SEMA4D: variants seen among roughly 807,000 people sequenced by gnomAD.
SEMA4D encodes semaphorin 4D.
SEMA4D carries 22 observed loss-of-function variants against 74.8 expected under a neutral mutation model. The ratio of observed to expected loss-of-function variants is 0.29; its 90% CI spans 0.21 to 0.42. SEMA4D has a LOEUF of 0.42. SEMA4D is among the 10% of genes least tolerant of loss of function. SEMA4D has a pLI of 1.00. For missense variants in SEMA4D, 937 were observed against 1,118.4 expected (o/e 0.84, Z 2.31); for synonymous variants, 445 against 463.7 (o/e 0.96, Z 0.52).
intron 2 of SEMA4D, among the ~76,000 whole-genome samples, chr9:89,411,772 T>C (rs1844572520): frequency 6.6e-6 from 1 of 152,226 alleles, no homozygotes; most frequent in African/African-American, 2.4e-5. Context: ...AAGAGTGAGC[T>C]GACTCTGTGC....
At chr9:89,398,433 C>T (rs1841473067) in intron 5 of SEMA4D, among the ~76,000 whole-genome samples, 1 of 152,170 alleles carries the variant, frequency 6.6e-6, no homozygotes, top group Non-Finnish European at 1.5e-5. Flanking sequence ...GAGCCACTTC[C>T]AACACTAAAC....
chr9:89,448,080 C>T (rs758680590), intron 2 of SEMA4D, among the ~76,000 whole-genome samples: 6 of 152,144 alleles, frequency 3.9e-5, no homozygotes, highest in Non-Finnish European at 5.9e-5. Flanking sequence ...CCTTAAGTCA[C>T]ACTCCCACCT....
At chr9:89,406,631 G>A (rs944823020) in intron 2 of SEMA4D, among the ~76,000 whole-genome samples, 23 of 152,230 alleles carry the variant, frequency 1.5e-4, no homozygotes, top group African/African-American at 5.1e-4. Context: ...CACTCTATGA[G>A]AATGTCCTGA....
chr9:89,432,526 T>G (rs988085929), intron 2 of SEMA4D, among the ~76,000 whole-genome samples: 3 of 152,218 alleles, frequency 2.0e-5, no homozygotes, highest in Non-Finnish European at 4.4e-5. Context: ...TGTCTCTATC[T>G]CTGGTCACCA....
At chr9:89,472,114 CA>C in intron 1 of SEMA4D, 1 of 174,636 alleles carries the variant, frequency 5.7e-6, no homozygotes, top group East Asian at 1.8e-4. Flanking sequence ...GGTCCTGGGT[CA>C]ATTTGCACAA....
chr9:89,378,837 T>G lies in SEMA4D; in HGVS notation c.2456A>C (p.Gln819Pro), dbSNP rs867267411. 6.2e-7 allele frequency: 1 copy of G among 1,614,212 alleles called. No individual in the cohort carries two copies. The highest frequency in any genetic ancestry group is 1.3e-5 in the African/African-American group (1 of 75,062). ...GGGGACTTTGCTGGTGATGGTGTCT[T>G]GCTCGGTCTCATAGCCGGTGTCCAG... is the stretch of plus-strand genomic sequence containing the variant. ...PALDTGYETE[Q>P]DTITSKVPTD... The change falls in exon 16 of 16, where the codon CAA (glutamine) becomes CCA (proline). Residue 819 changes from glutamine to proline, a missense_variant. Coordinates refer to ENST00000422704, the MANE Select transcript of SEMA4D (RefSeq NM_001371194.2).
At chr9:89,420,698 G>A (rs535348390) in intron 2 of SEMA4D, among the ~76,000 whole-genome samples, 113 of 152,364 alleles carry the variant, frequency 7.4e-4, no homozygotes, top group African/African-American at 2.6e-3. Flanking sequence ...GAAGACAAGT[G>A]GGATGAAGCA....
Position 89,440,105 on chromosome 9 carries a change from G to A in SEMA4D, c.-244+15783C>T, listed in dbSNP as rs1022949186. 2.6e-5 allele frequency among the ~76,000 whole-genome samples: 4 copies of A among 152,136 alleles called. 1 individual carries two copies. Among genetic ancestry groups the A allele is most frequent in the East Asian group, 3.9e-4 (2 of 5,190 alleles). ...ATGGAGCCACGATAAGAGGCCTGGT[G>A]TCCTCCCTGTGAGCCTGACCCTCAC... On this transcript the variant is annotated intron_variant, in intron 2 of 15. Transcript: ENST00000422704.
At chr9:89,487,040 T>A (rs910994062) in intron 1 of SEMA4D, among the ~76,000 whole-genome samples, 1 of 152,022 alleles carries the variant, frequency 6.6e-6, no homozygotes, top group Non-Finnish European at 1.5e-5. Flanking sequence ...TTTACTTTGA[T>A]ACCAATATAA....
chr9:89,378,859 C>T lies in SEMA4D; in HGVS notation c.2434G>A (p.Asp812Asn). Residue 812 changes from aspartate to asparagine, a missense_variant, in exon 16 of 16, where the codon GAC becomes AAC. By Grantham distance (23) the Asp-to-Asn change is conservative. Coordinates refer to ENST00000422704, the MANE Select transcript of SEMA4D (RefSeq NM_001371194.2). ...TCTTGCTCGGTCTCATAGCCGGTGT[C>T]CAGGGCTGGCTTGGGGTGCTCCCCA... is the stretch of plus-strand genomic sequence containing the variant. ...QNGEHPKPAL[D>N]TGYETEQDTI... The T allele has an allele frequency of 6.2e-7, 1 of 1,614,214 alleles. No individual in the cohort carries two copies. The highest frequency in any genetic ancestry group is 8.5e-7 in the Non-Finnish European group (1 of 1,180,040).
Position 89,381,435 on chromosome 9 carries a change from A to T in SEMA4D, c.1447-89T>A. 2 of 1,285,496 alleles carry T rather than the reference A, an allele frequency of 1.6e-6. No homozygotes were observed. Among genetic ancestry groups the T allele is most frequent in the Non-Finnish European group, 2.1e-6 (2 of 953,062 alleles). The allele number at this position is 1,285,496 out of a possible 1,614,324, so 79.6% of individuals were successfully genotyped here. A position where few individuals can be genotyped will look rare whatever the true frequency, so the allele number is the denominator to read the frequency against. On this transcript the variant is annotated intron_variant, in intron 13 of 15. Coordinates refer to ENST00000422704, the MANE Select transcript of SEMA4D (RefSeq NM_001371194.2). The surrounding 1 kb of genome is among the most constrained non-coding windows in gnomAD (Gnocchi z 4.6). ...GCTTCTGCACCAGTGTGTGGGAAGCAGCCAGAGTGTACCTTCAGGGGACAT... is the reference window on the plus strand; with the variant it reads ...GCTTCTGCACCAGTGTGTGGGAAGCTGCCAGAGTGTACCTTCAGGGGACAT...
chr9:89,371,980 GTC>G (rs770769643), intron 16 of SEMA4D, among the ~76,000 whole-genome samples: 2,616 of 12,158 alleles, frequency 0.22, 296 homozygotes, highest in East Asian at 0.29. Flanking sequence ...TGTGGTGTGT[GTC>G]TGGGGTGTGG....
At chr9:89,455,110 G>A (rs560980757) in intron 2 of SEMA4D, among the ~76,000 whole-genome samples, 11 of 152,370 alleles carry the variant, frequency 7.2e-5, no homozygotes, top group African/African-American at 1.7e-4. Context: ...ACTTCATCAC[G>A]CTGTGCCTCC....
intron 2 of SEMA4D, among the ~76,000 whole-genome samples, chr9:89,426,142 C>A (rs2134405726): frequency 6.6e-6 from 1 of 152,326 alleles, no homozygotes; most frequent in Non-Finnish European, 1.5e-5. Flanking sequence ...AGGCCGGGAT[C>A]CTCCTCCCCT....
chr9:89,405,280 C>CCA (rs1843107811), intron 3 of SEMA4D, 71 bp downstream of exon 3: 1 of 1,370,660 alleles, frequency 7.3e-7, no homozygotes, highest in African/African-American at 1.4e-5. Context: ...CCCCAGCCAC[C>CCA]CACCTCAGCA....
intron 1 of SEMA4D, among the ~76,000 whole-genome samples, chr9:89,460,714 G>A (rs1249656872): frequency 6.6e-6 from 1 of 152,216 alleles, no homozygotes; most frequent in East Asian, 1.9e-4. Flanking sequence ...GGAAAAAGGG[G>A]AGAAGCAACA....
At chr9:89,433,410 G>A (rs1312546994) in intron 2 of SEMA4D, among the ~76,000 whole-genome samples, 6 of 152,284 alleles carry the variant, frequency 3.9e-5, no homozygotes, top group East Asian at 1.9e-4. Flanking sequence ...GTCTCCAATC[G>A]GCAGGGAGGG....
intron 1 of SEMA4D, among the ~76,000 whole-genome samples, chr9:89,461,789 A>G (rs1588069994): frequency 1.5e-5 from 2 of 132,060 alleles, no homozygotes; most frequent in East Asian, 2.3e-4. Context: ...TGGAACCTCC[A>G]CCTCCCGGGT....
chr9:89,487,663 T>C (rs1240380080), intron 1 of SEMA4D, among the ~76,000 whole-genome samples: 1 of 152,172 alleles, frequency 6.6e-6, no homozygotes, highest in Non-Finnish European at 1.5e-5. Context: ...AATAGCGACT[T>C]AGCAAGGTTC....
Sources: allele counts gnomAD v4.1 joint callset (sites outside exome capture counted in the v4.1 genomes callset), GRCh38; gene constraint gnomAD v4.1.1; non-coding constraint Gnocchi (gnomAD v3.1); transcripts MANE v1.5; gene names NCBI Gene and HGNC (gene_info 2026-07-23, HGNC 2026-07-21).